NRP1: variants seen among roughly 807,000 people sequenced by gnomAD.
NRP1 encodes neuropilin 1.
Under a neutral mutation model 106.7 loss-of-function variants are expected in NRP1, and 35 were observed. That is an observed-to-expected ratio of 0.33 (90% confidence interval 0.25 to 0.43). The LOEUF is 0.43. NRP1 is among the 20% of genes least tolerant of loss of function. The pLI, the probability that NRP1 is intolerant of heterozygous loss-of-function variation, is 1.00. For synonymous variants in NRP1, 437 were observed against 417.9 expected, an observed-to-expected ratio of 1.05 and a Z score of -0.56; for missense variants, 1,024 against 1,170.4, an observed-to-expected ratio of 0.87 and a Z score of 1.83.
intron 6 of NRP1, among the ~76,000 whole-genome samples, chr10:33,230,138 A>G (rs573195463): frequency 2.0e-5 from 3 of 152,220 alleles, no homozygotes; most frequent in African/African-American, 7.2e-5. Context: ...TCTTTCCACG[A>G]GTCCTTTCTC....
At chr10:33,199,389 A>ATTTTTTT (rs1160327036) in intron 11 of NRP1, among the ~76,000 whole-genome samples, 4 of 36,850 alleles carry the variant, frequency 1.1e-4, no homozygotes, top group East Asian at 1.5e-3. Context: ...ATATATATAT[A>ATTTTTTT]TTTTTTTTTT....
chr10:33,329,167 T>C (rs1023687950), intron 2 of NRP1, among the ~76,000 whole-genome samples: 2 of 152,212 alleles, frequency 1.3e-5, no homozygotes, highest in African/African-American at 4.8e-5. Context: ...AATGAACTCT[T>C]TGTTTCCAAG....
chr10:33,332,910 A>C lies in NRP1; in HGVS notation c.73+1400T>G, dbSNP rs887877448. Among the ~76,000 whole-genome samples the C allele has an allele frequency of 3.4e-5, 5 of 147,382 alleles. No individual in the cohort carries two copies. In the East Asian group the frequency reaches 9.9e-4, roughly 29 times the overall value. ...GTGTGTGTGTGTGTACTGCATATAT[A>C]TTTGTGTAGTTCACAACCTAAAGTC... On this transcript the variant is annotated intron_variant, in intron 1 of 16. Transcript: ENST00000374867.
intron 8 of NRP1, among the ~76,000 whole-genome samples, chr10:33,215,731 T>C (rs1838706877): frequency 6.6e-6 from 1 of 152,228 alleles, no homozygotes; most frequent in South Asian, 2.1e-4. Flanking sequence ...TAAGAATTCA[T>C]TACTCAGATA....
chr10:33,299,503 G>T (rs1320281377), intron 2 of NRP1, among the ~76,000 whole-genome samples: 3 of 152,184 alleles, frequency 2.0e-5, no homozygotes, highest in Non-Finnish European at 4.4e-5. Context: ...AGGTGACAGG[G>T]CGTGGTGGCT....
chr10:33,324,350 G>A (rs1282460843), intron 2 of NRP1, among the ~76,000 whole-genome samples: 1 of 152,128 alleles, frequency 6.6e-6, no homozygotes, highest in Non-Finnish European at 1.5e-5. Flanking sequence ...CTTGGTGGTG[G>A]TGCCTCTCAC....
chr10:33,205,135 C>G (rs1837663603), intron 10 of NRP1, among the ~76,000 whole-genome samples: 1 of 152,218 alleles, frequency 6.6e-6, no homozygotes, highest in Non-Finnish European at 1.5e-5. Flanking sequence ...CCTTAGGTGT[C>G]TCCCCTAGAA....
At chr10:33,330,389 C>T (rs1406711835) in intron 2 of NRP1, among the ~76,000 whole-genome samples, 1 of 149,142 alleles carries the variant, frequency 6.7e-6, no homozygotes, top group African/African-American at 2.5e-5. Context: ...TTCTTCCCCT[C>T]TCCAGGAAAA....
chr10:33,334,337 G>T lies in NRP1; in HGVS notation c.46C>A (p.Leu16Ile), dbSNP rs1166283194. The part of the protein sequence containing the change: ...PLLCAVLALV[L>I]APAGAFRNDK... ...TTGCGAAAAGCGCCGGCCGGGGCGAGGACGAGGGCGAGCACGGCGCAGAGG... is the reference window on the plus strand; with the variant it reads ...TTGCGAAAAGCGCCGGCCGGGGCGATGACGAGGGCGAGCACGGCGCAGAGG... Residue 16 changes from leucine to isoleucine, a missense_variant, in exon 1 of 17, where the codon CTC (leucine) becomes ATC (isoleucine). Around this residue, in one of 5 missense-constraint regions of NRP1, gnomAD observed 279 missense variants for 327.4 expected, o/e 0.85. Coordinates refer to ENST00000374867, the MANE Select transcript of NRP1 (RefSeq NM_003873.7). 6.5e-7 allele frequency: 1 copy of T among 1,545,462 alleles called. No individual in the cohort carries two copies. Among genetic ancestry groups the T allele is most frequent in the East Asian group, 2.4e-5 (1 of 41,094 alleles).
intron 13 of NRP1, among the ~76,000 whole-genome samples, chr10:33,190,174 T>C (rs1836308739): frequency 6.6e-6 from 1 of 152,240 alleles, no homozygotes; most frequent in African/African-American, 2.4e-5. Flanking sequence ...GTCTTCATTT[T>C]CTCAATTAGC....
At chr10:33,328,958 A>G (rs745511885) in intron 2 of NRP1, among the ~76,000 whole-genome samples, 17 of 152,310 alleles carry the variant, frequency 1.1e-4, no homozygotes, top group Non-Finnish European at 1.8e-4. Flanking sequence ...TTTTTGGAAT[A>G]ATGTTATTAC....
In NRP1 at chr10:33,178,497, G is replaced by GT. The variant is rs545033505; in HGVS notation, c.*1578dup. 6.6e-6 allele frequency: 1 copy of GT among 152,120 alleles called. No homozygotes were observed. The highest frequency in any genetic ancestry group is 1.5e-5 in the Non-Finnish European group (1 of 68,024). 9.4% of individuals were successfully genotyped at this position (152,120 alleles called of 1,614,324 possible). On this transcript the variant is annotated 3_prime_UTR_variant, in exon 17 of 17. Transcript: ENST00000374867. The stretch of plus-strand genomic sequence containing the variant: ...TTAAAACATTTGTTTGACTTTATGT[G>GT]TTTTTCCCCCTCTTATCTTAAAATA...
At chr10:33,319,217 A>G (rs1847270226) in intron 2 of NRP1, among the ~76,000 whole-genome samples, 1 of 151,744 alleles carries the variant, frequency 6.6e-6, no homozygotes, top group Admixed American at 6.6e-5. Context: ...TGTGTTAGTC[A>G]GGATGGTCTT....
At chr10:33,294,329 A>G (rs980739216) in intron 2 of NRP1, among the ~76,000 whole-genome samples, 7 of 152,202 alleles carry the variant, frequency 4.6e-5, no homozygotes, top group African/African-American at 1.7e-4. Flanking sequence ...ATCAAAATCT[A>G]TGTCCTGGCC....
intron 2 of NRP1, 44 bp from the exon 3 acceptor site, chr10:33,270,900 G>T (rs770218313): frequency 1.0e-5 from 15 of 1,493,918 alleles, no homozygotes; most frequent in Non-Finnish European, 1.4e-5. Context: ...GGTGAGAAAT[G>T]CCCTTTTAAT....
At chr10:33,321,228 C>T (rs1489187028) in intron 2 of NRP1, among the ~76,000 whole-genome samples, 2 of 152,172 alleles carry the variant, frequency 1.3e-5, no homozygotes, top group African/African-American at 2.4e-5. Flanking sequence ...CTCACTGATC[C>T]GCTTGCCTTG....
intron 2 of NRP1, among the ~76,000 whole-genome samples, chr10:33,271,373 A>G (rs1843302229): frequency 6.6e-6 from 1 of 152,234 alleles, no homozygotes; most frequent in Non-Finnish European, 1.5e-5. Context: ...ATTTAACTGC[A>G]TTCCACCAAA....
chr10:33,271,500 T>A (rs780219426), intron 2 of NRP1, among the ~76,000 whole-genome samples: 1 of 152,224 alleles, frequency 6.6e-6, no homozygotes, highest in Non-Finnish European at 1.5e-5. Context: ...AGAAAAAGTT[T>A]AGTTAAAAAT....
chr10:33,260,402 C>T (rs1196383464), intron 4 of NRP1, among the ~76,000 whole-genome samples: 1 of 152,042 alleles, frequency 6.6e-6, no homozygotes, highest in Admixed American at 6.6e-5. Flanking sequence ...AAATAAAAAA[C>T]AAGCAGAACT....
Sources: allele counts gnomAD v4.1 joint callset (sites outside exome capture counted in the v4.1 genomes callset), GRCh38; gene constraint gnomAD v4.1.1; regional missense constraint gnomAD v4.1.1; transcripts MANE v1.5; gene names NCBI Gene and HGNC (gene_info 2026-07-23, HGNC 2026-07-21).